The following CRYBG1 variants were observed in gnomAD, a reference collection of about 807,000 sequenced individuals.
The protein encoded by CRYBG1 is crystallin beta-gamma domain containing 1, also known as beta/gamma crystallin domain-containing protein 1.
In CRYBG1, 139 loss-of-function variants were observed where a neutral mutation model predicts 189.2. The observed-to-expected ratio is 0.73, with a 90% CI of 0.64 to 0.85. The LOEUF (loss-of-function observed/expected upper bound fraction) is 0.85, where lower values mean the gene tolerates loss of function less well. Ranked by LOEUF, CRYBG1 falls within the 40% of genes least tolerant of loss-of-function variation. The pLI, the probability that CRYBG1 is intolerant of heterozygous loss-of-function variation, is 0.00. For missense variants in CRYBG1, 2,611 were observed against 2,675.8 expected (o/e 0.98, Z 0.53); for synonymous variants, 1,023 against 1,017.1 (o/e 1.01, Z -0.11).
chr6:106,539,678 G>T (rs2114567734), intron 9 of CRYBG1, 149 bp downstream of exon 9: 35 of 602,520 alleles, frequency 5.8e-5, no homozygotes, highest in East Asian at 1.2e-4. Flanking sequence ...ATCATGGAAA[G>T]AATAACTTGC....
At chr6:106,417,844 G>A (rs891543356) in intron 1 of CRYBG1, among the ~76,000 whole-genome samples, 2 of 152,250 alleles carry the variant, frequency 1.3e-5, no homozygotes, top group African/African-American at 4.8e-5. Context: ...AGGCAAGGGT[G>A]CCTGCAACTC....
At position 106,519,677 on chromosome 6, in the gene CRYBG1, CAAA is replaced by C; in HGVS notation, c.2471_2473del (p.Lys824del). The C allele has an allele frequency of 1.2e-6, 2 of 1,614,100 alleles. No homozygotes were observed. Among genetic ancestry groups the C allele is most frequent in the Non-Finnish European group, 1.7e-6 (2 of 1,179,972 alleles). ...AGGAGGACTCAGAGGCTGCAGACAGCAAAAGCCTTGTACTTGAAAATGTAACCG... is the reference window on the plus strand; with the variant it reads ...AGGAGGACTCAGAGGCTGCAGACAGCAGCCTTGTACTTGAAAATGTAACCG... On this transcript the variant is annotated inframe_deletion, in exon 4 of 22. Coordinates refer to ENST00000633556, the MANE Select transcript of CRYBG1 (RefSeq NM_001371242.2).
intron 1 of CRYBG1, among the ~76,000 whole-genome samples, chr6:106,415,929 C>G (rs1018916839): frequency 6.6e-6 from 1 of 152,124 alleles, no homozygotes; most frequent in African/African-American, 2.4e-5. Context: ...GCAGTCCCCC[C>G]CATTCCTCTT....
At chr6:106,553,092 A>C (rs1774446022) in intron 15 of CRYBG1, among the ~76,000 whole-genome samples, 1 of 152,250 alleles carries the variant, frequency 6.6e-6, no homozygotes, top group Non-Finnish European at 1.5e-5. Context: ...GAAGGAAACT[A>C]CACTATGTCT....
chr6:106,407,745 A>G (rs894719036), intron 1 of CRYBG1, among the ~76,000 whole-genome samples: 3 of 152,222 alleles, frequency 2.0e-5, no homozygotes, highest in Admixed American at 2.0e-4. Flanking sequence ...AACTACATGG[A>G]ACCTGAACAA....
At chr6:106,529,240 C>T (rs1368018992) in intron 7 of CRYBG1, among the ~76,000 whole-genome samples, 1 of 152,156 alleles carries the variant, frequency 6.6e-6, no homozygotes, top group Admixed American at 6.5e-5. Context: ...GCCACTGTGC[C>T]CGGCCAGTAA....
chr6:106,421,483 T>C (rs1040694269), intron 1 of CRYBG1, among the ~76,000 whole-genome samples: 3 of 152,144 alleles, frequency 2.0e-5, no homozygotes, highest in African/African-American at 7.2e-5. Context: ...GAGGTCCCTA[T>C]CTGGATACTC....
At position 106,569,812 on chromosome 6, in the gene CRYBG1, C is replaced by T. The variant is rs1169313427; in HGVS notation, c.*1246C>T. ...GCTTCAGGGTATAGCTGTTGGTGGACAGCCTCAGGTCTTGGGGGCACTATA... is the reference window on the plus strand; with the variant it reads ...GCTTCAGGGTATAGCTGTTGGTGGATAGCCTCAGGTCTTGGGGGCACTATA... On this transcript the variant is annotated 3_prime_UTR_variant, in exon 22 of 22. Transcript: ENST00000633556. 6.6e-6 allele frequency: 1 copy of T among 152,180 alleles called. No homozygotes were observed. The highest frequency in any genetic ancestry group is 1.9e-4 in the East Asian group (1 of 5,184). 9.4% of individuals were successfully genotyped at this position (152,180 alleles called of 1,614,324 possible).
chr6:106,498,043 T>C (rs543922161), intron 2 of CRYBG1, among the ~76,000 whole-genome samples: 2 of 150,026 alleles, frequency 1.3e-5, no homozygotes, highest in African/African-American at 2.5e-5. Context: ...AGAGGTTGCA[T>C]TGAGCCAAGA....
chr6:106,542,900 T>C (rs967165046), intron 10 of CRYBG1, among the ~76,000 whole-genome samples: 1 of 148,166 alleles, frequency 6.7e-6, no homozygotes, highest in East Asian at 2.1e-4. Context: ...CCTCCTGCCT[T>C]GGCCTCCCAA....
intron 2 of CRYBG1, among the ~76,000 whole-genome samples, chr6:106,460,010 TTTTG>T (rs1017050227): frequency 6.6e-6 from 1 of 152,174 alleles, no homozygotes; most frequent in Non-Finnish European, 1.5e-5. Context: ...GTCTGAGCTC[TTTTG>T]TTTTTGTTTG....
chr6:106,525,037 GA>G, intron 4 of CRYBG1, 95 bp from the exon 5 acceptor site: 1 of 1,254,488 alleles, frequency 8.0e-7, no homozygotes. Context: ...TACAATGTGG[GA>G]AAAGTGTGAT....
chr6:106,386,723 C>T (rs150509241), intron 1 of CRYBG1, among the ~76,000 whole-genome samples: 172 of 152,322 alleles, frequency 1.1e-3, no homozygotes, highest in African/African-American at 4.0e-3. Context: ...GCTAGACATA[C>T]CATCAAGAGG....
chr6:106,484,225 A>G (rs1772546660), intron 2 of CRYBG1, among the ~76,000 whole-genome samples: 1 of 152,188 alleles, frequency 6.6e-6, no homozygotes, highest in African/African-American at 2.4e-5. Context: ...TGCCAATACC[A>G]TGCTATTTTG....
intron 1 of CRYBG1, among the ~76,000 whole-genome samples, chr6:106,415,468 T>G (rs867171412): frequency 2.8e-4 from 43 of 152,092 alleles, no homozygotes; most frequent in Middle Eastern, 6.8e-3. Context: ...CTCATGCCTG[T>G]AATCCCGGCA....
intron 1 of CRYBG1, among the ~76,000 whole-genome samples, chr6:106,392,995 G>C (rs551711501): frequency 4.5e-4 from 69 of 152,174 alleles, no homozygotes; most frequent in Non-Finnish European, 7.4e-5. Context: ...GGCAGGTCTC[G>C]AACTCCTGAC....
At chr6:106,497,435 T>C (rs973992459) in intron 2 of CRYBG1, among the ~76,000 whole-genome samples, 7 of 152,204 alleles carry the variant, frequency 4.6e-5, no homozygotes, top group Admixed American at 2.0e-4. Context: ...TTGGTCTCCA[T>C]GGTCTATTTC....
chr6:106,392,773 AT>A (rs34775347), intron 1 of CRYBG1, among the ~76,000 whole-genome samples: 1 of 150,924 alleles, frequency 6.6e-6, no homozygotes, highest in Non-Finnish European at 1.5e-5. Flanking sequence ...AAGAGAAATA[AT>A]TTTTTTTTTG....
At chr6:106,533,892 A>C (rs13197493) in intron 8 of CRYBG1, among the ~76,000 whole-genome samples, 1 of 151,894 alleles carries the variant, frequency 6.6e-6, no homozygotes, top group East Asian at 1.9e-4. Flanking sequence ...GTCACTGGCA[A>C]AGAGAATGTA....
Sources: allele counts gnomAD v4.1 joint callset (sites outside exome capture counted in the v4.1 genomes callset), GRCh38; gene constraint gnomAD v4.1.1; transcripts MANE v1.5; gene names NCBI Gene and HGNC (gene_info 2026-07-23, HGNC 2026-07-21).